The following FARP2 variants were observed in gnomAD, a reference collection of about 807,000 sequenced individuals.
FARP2 encodes the protein FERM, ARHGEF and pleckstrin domain-containing protein 2.
FARP2 carries 111 observed loss-of-function variants against 130.5 expected under a neutral mutation model. That is an observed-to-expected ratio of 0.85 (90% CI 0.73 to 1.00). The LOEUF (loss-of-function observed/expected upper bound fraction) is 1.00. Ranked by LOEUF, FARP2 falls within the 50% of genes least tolerant of loss-of-function variation. FARP2 has a pLI of 0.00. For missense variants in FARP2, 1,385 were observed against 1,346.3 expected, an observed-to-expected ratio of 1.03 and a Z score of -0.45; for synonymous variants, 504 against 516.9, an observed-to-expected ratio of 0.98 and a Z score of 0.34.
At chr2:241,437,881 G>A (rs1435304735) in intron 12 of FARP2, among the ~76,000 whole-genome samples, 9 of 152,016 alleles carry the variant, frequency 5.9e-5, no homozygotes, top group Admixed American at 5.9e-4. Context: ...CAGCCAGGAT[G>A]GTCTTGATCT....
rs1176867578 is a variant in FARP2, at chr2:241,417,996, C to T, written c.658C>T (p.Leu220Phe). Residue 220 changes from leucine (L) to phenylalanine (F), a missense_variant, in exon 8 of 27, where the codon CTC becomes TTC. By Grantham distance (22) the Leu-to-Phe change is conservative. Coordinates refer to ENST00000264042, the MANE Select transcript of FARP2 (RefSeq NM_014808.4). ...ACCTGCTGAGTCGGATTTCCAGGTG[C>T]TCGAAATTGCTCGAAAGTTGGAAAT... Reference protein sequence around the residue: ...QTPAESDFQVLEIARKLEMYG... With the variant: ...QTPAESDFQVFEIARKLEMYG... 1.2e-6 allele frequency: 2 copies of T among 1,614,116 alleles called. No individual in the cohort carries two copies. The highest frequency in any genetic ancestry group is 1.7e-6 in the Non-Finnish European group (2 of 1,180,020).
At chr2:241,368,622 G>T (rs2061364016) in intron 1 of FARP2, among the ~76,000 whole-genome samples, 2 of 152,014 alleles carry the variant, frequency 1.3e-5, no homozygotes, top group Admixed American at 1.3e-4. Flanking sequence ...TTACCTGCCG[G>T]TATTCTATTA....
intron 14 of FARP2, among the ~76,000 whole-genome samples, chr2:241,460,073 G>A (rs879491732): frequency 3.9e-5 from 6 of 152,130 alleles, no homozygotes; most frequent in East Asian, 1.9e-4. Flanking sequence ...TCCATGCCAC[G>A]GTGACTGTGG....
At position 241,463,462 on chromosome 2, in the gene FARP2, C is replaced by T. The variant is rs1218702620; in HGVS notation, c.1805C>T (p.Ala602Val). ...CTGCGCGAGGTGGAGCAGAGGCTGG[C>T]ACTCTGGTAACACCCCTTCAGCCCC... ...GFLREVEQRLALWEGPSKAHT... is the reference protein window; with the variant it reads ...GFLREVEQRLVLWEGPSKAHT... Residue 602 changes from alanine to valine, a missense_variant, in exon 16 of 27, where the codon GCA (alanine) becomes GTA (valine). Ala to Val is a moderately conservative substitution (Grantham distance 64). Coordinates refer to ENST00000264042, the MANE Select transcript of FARP2 (RefSeq NM_014808.4). The T allele has an allele frequency of 2.5e-6, 4 of 1,613,354 alleles. No homozygotes were observed. The highest frequency in any genetic ancestry group is 3.4e-6 in the Non-Finnish European group (4 of 1,179,954).
At position 241,493,582 on chromosome 2, in the gene FARP2, A is replaced by G. The variant is rs557928709; in HGVS notation, c.3047+138A>G. 1.4e-5 allele frequency: 10 copies of G among 740,416 alleles called. No homozygotes were observed. In the South Asian group the frequency reaches 1.6e-4, roughly 12 times the overall value. The allele number at this position is 740,416 out of a possible 1,614,324, so 45.9% of individuals were successfully genotyped here. On this transcript the variant is annotated intron_variant, in intron 26 of 26. Transcript: ENST00000264042. The stretch of plus-strand genomic sequence containing the variant: ...GAGCAATGCTTCCAGCATTTCCAAA[A>G]AACAGCAATGCTTTGTTTTTTTTTT...
At chr2:241,454,120 C>G (rs1340651674) in intron 13 of FARP2, among the ~76,000 whole-genome samples, 1 of 152,012 alleles carries the variant, frequency 6.6e-6, no homozygotes, top group African/African-American at 2.4e-5. Flanking sequence ...CCTATTACCC[C>G]ACCCTAGCCA....
intron 13 of FARP2, chr2:241,446,161 C>T (rs886692371): frequency 2.0e-5 from 3 of 152,046 alleles, no homozygotes; most frequent in African/African-American, 7.2e-5. Flanking sequence ...ACTGACTACA[C>T]GAAAAATATG....
At chr2:241,465,303 G>A (rs1282852391) in intron 17 of FARP2, among the ~76,000 whole-genome samples, 1 of 152,148 alleles carries the variant, frequency 6.6e-6, no homozygotes, top group African/African-American at 2.4e-5. Context: ...GTTCCCCACA[G>A]AACAGAGTCT....
In FARP2 at chr2:241,368,633, A is replaced by G. The variant is rs113786583; in HGVS notation, c.-24-4451A>G. ...GGGGTTACCTGCCGGTATTCTATTA[A>G]TGTATTTTTTTACATTTCTTTAGAG... On this transcript the variant is annotated intron_variant, in intron 1 of 26. Transcript: ENST00000264042. 1.6e-3 allele frequency among the ~76,000 whole-genome samples: 236 copies of G among 152,146 alleles called. 2 individuals are homozygous for G. The highest frequency in any genetic ancestry group is 5.2e-3 in the African/African-American group (214 of 41,434).
At chr2:241,360,133 AG>A (rs1242370492) in intron 1 of FARP2, among the ~76,000 whole-genome samples, 1 of 152,160 alleles carries the variant, frequency 6.6e-6, no homozygotes, top group African/African-American at 2.4e-5. Flanking sequence ...TCCACTATAT[AG>A]GGGGGAATTT....
chr2:241,468,032 G>T, intron 17 of FARP2, 108 bp from the exon 18 acceptor site: 1 of 801,402 alleles, frequency 1.2e-6, no homozygotes, highest in African/African-American at 1.7e-5. Flanking sequence ...TGGTCCATTT[G>T]CCCTGTGGGG....
At chr2:241,425,226 A>G (rs889919868) in intron 8 of FARP2, among the ~76,000 whole-genome samples, 1 of 152,086 alleles carries the variant, frequency 6.6e-6, no homozygotes, top group Non-Finnish European at 1.5e-5. Flanking sequence ...AACAAAAAAA[A>G]CCCTGGAAGA....
chr2:241,462,479 C>T, intron 14 of FARP2, 44 bp from the exon 15 acceptor site: 1 of 1,423,280 alleles, frequency 7.0e-7, no homozygotes, highest in Non-Finnish European at 9.9e-7. Context: ...TGGGAGGGTC[C>T]CATGTCCCAG....
chr2:241,405,826 C>G (rs1204824706), intron 4 of FARP2, among the ~76,000 whole-genome samples: 2 of 152,100 alleles, frequency 1.3e-5, no homozygotes, highest in African/African-American at 4.8e-5. Context: ...CTCAGCTACT[C>G]AGGAGGCTGA....
chr2:241,474,266 G>A (rs982676674), intron 18 of FARP2, among the ~76,000 whole-genome samples: 19 of 131,240 alleles, frequency 1.4e-4, no homozygotes, highest in African/African-American at 4.8e-4. Context: ...AGCCGAGATC[G>A]TGCCACTGCA....
intron 8 of FARP2, among the ~76,000 whole-genome samples, chr2:241,418,772 C>T (rs916369643): frequency 2.0e-5 from 3 of 152,050 alleles, no homozygotes; most frequent in Non-Finnish European, 2.9e-5. Context: ...CTGCTAGTGC[C>T]GACTAGAAGG....
At chr2:241,437,662 A>ATTTTTTTTTTTTTTTTT (rs1254102658) in intron 12 of FARP2, among the ~76,000 whole-genome samples, 12 of 135,430 alleles carry the variant, frequency 8.9e-5, no homozygotes, top group Admixed American at 7.0e-4. Context: ...TTATTTATTT[A>ATTTTTTTTTTTTTTTTT]TTTATTTATT....
At chr2:241,476,129 T>C (rs1188727318) in intron 19 of FARP2, 142 bp downstream of exon 19, 16 of 680,454 alleles carry the variant, frequency 2.4e-5, no homozygotes, top group Non-Finnish European at 2.6e-5. Flanking sequence ...TCTGAATACT[T>C]TGGGAGGCTG....
Position 241,484,400 on chromosome 2 carries a change from T to C in FARP2, c.2421+69T>C, listed in dbSNP as rs143908748. On this transcript the variant is annotated intron_variant, in intron 21 of 26. Transcript: ENST00000264042. ...GGCTGGGCCCCACCTACCTCTCTCC[T>C]GCAGAGGCGAATCCTTACCCAGCAA... 5.5e-3 allele frequency: 7,065 copies of C among 1,286,442 alleles called. 36 individuals are homozygous for C. The highest frequency in any genetic ancestry group is 0.015 in the South Asian group (1,258 of 83,202). 79.7% of individuals were successfully genotyped at this position (1,286,442 alleles called of 1,614,324 possible).
Sources: gnomAD v4.1 joint callset for allele counts (sites outside exome capture counted in the v4.1 genomes callset) on GRCh38, gnomAD v4.1.1 for gene constraint, MANE v1.5 for transcripts, NCBI Gene and HGNC (gene_info 2026-07-23, HGNC 2026-07-21) for gene names.